The following C12orf56 variants were observed in gnomAD, a reference collection of about 807,000 sequenced individuals.
C12orf56 encodes chromosome 12 open reading frame 56.
C12orf56 carries 71 observed loss-of-function variants against 69.9 expected under a neutral mutation model. The observed-to-expected ratio is 1.02, with a 90% CI of 0.84 to 1.24. The LOEUF is 1.24. Among genes scored for constraint, C12orf56 ranks in the 50% most tolerant of loss-of-function variants. The probability of loss-of-function intolerance (pLI) is 0.00; values close to 1 mark genes in which losing one functional copy is unlikely to be tolerated. For missense variants in C12orf56, 732 were observed against 738.5 expected, an observed-to-expected ratio of 0.99 and a Z score of 0.10; for synonymous variants, 276 against 274.1, an observed-to-expected ratio of 1.01 and a Z score of -0.07.
At chr12:64,384,620 G>C (rs2039762889) in intron 1 of C12orf56, among the ~76,000 whole-genome samples, 1 of 152,156 alleles carries the variant, frequency 6.6e-6, no homozygotes, top group African/African-American at 2.4e-5. Context: ...ATTCACAAAA[G>C]GGGTGAAAGG....
intron 6 of C12orf56, among the ~76,000 whole-genome samples, chr12:64,299,697 T>C (rs949863436): frequency 1.3e-5 from 2 of 152,056 alleles, no homozygotes; most frequent in East Asian, 1.9e-4. Context: ...CCAATCACTA[T>C]AGTAAAAGGG....
At chr12:64,367,021 C>G (rs866349440) in intron 1 of C12orf56, among the ~76,000 whole-genome samples, 50 of 29,628 alleles carry the variant, frequency 1.7e-3, no homozygotes, top group African/African-American at 7.9e-3. Flanking sequence ...ATAACATACA[C>G]TTTATATATT....
intron 3 of C12orf56, among the ~76,000 whole-genome samples, chr12:64,324,886 C>A (rs910382654): frequency 1.3e-4 from 20 of 152,082 alleles, no homozygotes. Context: ...ATTATGAACT[C>A]AGGAGTTCCA....
At chr12:64,286,815 C>T (rs1192977434) in intron 6 of C12orf56, among the ~76,000 whole-genome samples, 1 of 152,104 alleles carries the variant, frequency 6.6e-6, no homozygotes, top group East Asian at 1.9e-4. Flanking sequence ...GTGTATGCGT[C>T]CCCTTATTCA....
chr12:64,282,970 C>T (rs2038151925), intron 8 of C12orf56, among the ~76,000 whole-genome samples: 1 of 151,618 alleles, frequency 6.6e-6, no homozygotes, highest in South Asian at 2.1e-4. Context: ...TGGTGAAACG[C>T]CATCTCTACT....
intron 5 of C12orf56, among the ~76,000 whole-genome samples, chr12:64,310,044 G>A (rs895894547): frequency 4.7e-5 from 7 of 150,502 alleles, no homozygotes; most frequent in African/African-American, 1.7e-4. Context: ...TTTAGAAATG[G>A]TCTCTCTCTG....
At chr12:64,342,454 T>G (rs2039086772) in intron 2 of C12orf56, among the ~76,000 whole-genome samples, 1 of 152,216 alleles carries the variant, frequency 6.6e-6, no homozygotes, top group South Asian at 2.1e-4. Flanking sequence ...CTTCTCTTCC[T>G]CTGTCAACTG....
intron 6 of C12orf56, among the ~76,000 whole-genome samples, chr12:64,295,158 T>C (rs1486184266): frequency 6.6e-6 from 1 of 152,140 alleles, no homozygotes; most frequent in African/African-American, 2.4e-5. Context: ...GCTGGGATTA[T>C]AGGCATGAGC....
rs894323347 is a variant in C12orf56, at chr12:64,341,138, G to A, written c.416-10106C>T. ...GAGCCCAATGTGTCCAGGTGGATAT[G>A]ATAACTTCCAGTTTAATGAAATCGT... On this transcript the variant is annotated intron_variant, in intron 2 of 12. Coordinates refer to ENST00000543942, the MANE Select transcript of C12orf56 (RefSeq NM_001170633.2). Among the ~76,000 whole-genome samples, 3 of 152,162 alleles carry A rather than the reference G, an allele frequency of 2.0e-5. No individual in the cohort carries two copies. The South Asian group carries it at 6.2e-4, about 32-fold the overall frequency.
chr12:64,280,914 A>G (rs533655536), intron 8 of C12orf56, among the ~76,000 whole-genome samples: 1 of 152,336 alleles, frequency 6.6e-6, no homozygotes, highest in East Asian at 1.9e-4. Flanking sequence ...ACACTGTGAG[A>G]TAAGAAATAC....
intron 12 of C12orf56, among the ~76,000 whole-genome samples, chr12:64,269,428 T>C (rs907525503): frequency 1.3e-5 from 2 of 152,188 alleles, no homozygotes; most frequent in African/African-American, 2.4e-5. Context: ...TGCTGGCTAC[T>C]GTTCTTTCTT....
chr12:64,282,211 G>C lies in C12orf56; in HGVS notation c.1310+2453C>G, dbSNP rs544660349. 8.5e-5 allele frequency among the ~76,000 whole-genome samples: 13 copies of C among 152,144 alleles called. No homozygotes were observed. The East Asian group carries it at 2.5e-3, about 30-fold the overall frequency. Reference sequence around the variant, plus strand: ...TCTCTACAAAAAAATAAAAAAATAAGAACTAGCTTGGCATGGTGTATTTTC... The same window carrying C: ...TCTCTACAAAAAAATAAAAAAATAACAACTAGCTTGGCATGGTGTATTTTC... On this transcript the variant is annotated intron_variant, in intron 8 of 12. Coordinates refer to ENST00000543942, the MANE Select transcript of C12orf56 (RefSeq NM_001170633.2).
Position 64,318,570 on chromosome 12 carries a change from C to T in C12orf56, c.894+5G>A, listed in dbSNP as rs937583412. On this transcript the variant is annotated splice_donor_5th_base_variant and intron_variant, in intron 4 of 12. Transcript: ENST00000543942. ...AGGTTAAGGTTAACTTAGGAGGACA[C>T]TTACTATAATATAATTGTTCCATGA... The T allele has an allele frequency of 6.6e-7, 1 of 1,519,412 alleles. No homozygotes were observed. Among genetic ancestry groups the T allele is most frequent in the Admixed American group, 2.0e-5 (1 of 48,986 alleles). 94.1% of individuals were successfully genotyped at this position (1,519,412 alleles called of 1,614,324 possible).
chr12:64,332,896 G>C (rs1431638015), intron 2 of C12orf56, among the ~76,000 whole-genome samples: 6 of 152,130 alleles, frequency 3.9e-5, no homozygotes, highest in Non-Finnish European at 8.8e-5. Flanking sequence ...CTTCCCTTTT[G>C]ATTCCCTAGG....
At chr12:64,287,050 A>T (rs1241366092) in intron 6 of C12orf56, among the ~76,000 whole-genome samples, 1 of 152,074 alleles carries the variant, frequency 6.6e-6, no homozygotes, top group African/African-American at 2.4e-5. Context: ...CAGCCTGGCC[A>T]ACGTGGCAAA....
Position 64,380,115 on chromosome 12 carries a change from A to C in C12orf56, c.252+10199T>G, listed in dbSNP as rs867162106. Among the ~76,000 whole-genome samples, 210 of 77,108 alleles carry C rather than the reference A, an allele frequency of 2.7e-3. 4 individuals are homozygous for C. Among genetic ancestry groups the C allele is most frequent in the Middle Eastern group, 7.2e-3 (1 of 138 alleles). 50.6% of individuals were successfully genotyped at this position (77,108 alleles called of 152,430 possible). A position where few individuals can be genotyped will look rare whatever the true frequency, so the allele number is the denominator to read the frequency against. ...GCAAGACTCCGTCGCAAAAAAAAAA[A>C]AAAAAAAAAAAAAAAAAAACAAAAC... On this transcript the variant is annotated intron_variant, in intron 1 of 12. Transcript: ENST00000543942.
chr12:64,324,021 G>A (rs1457557599), intron 3 of C12orf56, among the ~76,000 whole-genome samples: 1 of 152,196 alleles, frequency 6.6e-6, no homozygotes, highest in Admixed American at 6.5e-5. Context: ...CTGCTACAAG[G>A]CAGAGCCCTC....
chr12:64,315,490 G>A (rs1487519974), intron 4 of C12orf56, among the ~76,000 whole-genome samples: 5 of 152,066 alleles, frequency 3.3e-5, no homozygotes, highest in South Asian at 2.1e-4. Flanking sequence ...AACAACCTAC[G>A]TGTAACTATT....
chr12:64,277,883 A>G, intron 8 of C12orf56, 80 bp from the exon 9 acceptor site: 1 of 1,151,672 alleles, frequency 8.7e-7, no homozygotes, highest in Non-Finnish European at 1.2e-6. Flanking sequence ...CAAACACTGG[A>G]TATAATTATG....
Sources: gnomAD v4.1 joint callset for allele counts (sites outside exome capture counted in the v4.1 genomes callset) on GRCh38, gnomAD v4.1.1 for gene constraint, MANE v1.5 for transcripts, NCBI Gene and HGNC (gene_info 2026-07-23, HGNC 2026-07-21) for gene names.